UBP1: variants seen among roughly 807,000 people sequenced by gnomAD.
UBP1 encodes the protein upstream binding protein 1.
Under a neutral mutation model 76.1 loss-of-function variants are expected in UBP1, and 22 were observed. That is an observed-to-expected ratio of 0.29 (90% CI 0.21 to 0.41). The LOEUF is 0.41. Ranked by LOEUF, UBP1 falls within the 10% of genes least tolerant of loss-of-function variation. The pLI is 1.00. For missense variants in UBP1, 436 were observed against 668.1 expected, an observed-to-expected ratio of 0.65 and a Z score of 3.83; for synonymous variants, 224 against 237.1, an observed-to-expected ratio of 0.94 and a Z score of 0.51.
At chr3:33,408,900 C>T in intron 7 of UBP1, 103 bp from the exon 8 acceptor site, 2 of 1,077,632 alleles carry the variant, frequency 1.9e-6, no homozygotes, top group South Asian at 2.8e-5. Context: ...AAATGCATGA[C>T]TAACAGGATT....
chr3:33,436,599 C>A (rs577956940), intron 1 of UBP1, among the ~76,000 whole-genome samples: 13 of 152,276 alleles, frequency 8.5e-5, no homozygotes, highest in African/African-American at 3.1e-4. Flanking sequence ...CTATAACCTT[C>A]AAAAATATTT....
intron 2 of UBP1, among the ~76,000 whole-genome samples, chr3:33,418,769 G>A (rs1183235605): frequency 2.0e-5 from 3 of 147,174 alleles, no homozygotes; most frequent in African/African-American, 7.6e-5. Flanking sequence ...TGAGGCAGAA[G>A]AATCGCTTGA....
chr3:33,412,186 CAAA>C (rs1227146812), intron 4 of UBP1, among the ~76,000 whole-genome samples: 4 of 63,452 alleles, frequency 6.3e-5, no homozygotes, highest in African/African-American at 1.3e-4. Flanking sequence ...AACTCCGTCT[CAAA>C]AAAAAAAAAA....
chr3:33,409,434 G>A lies in UBP1; in HGVS notation c.708+15C>T, dbSNP rs778925461. On this transcript the variant is annotated intron_variant, in intron 6 of 15. Transcript: ENST00000283629. ...CTGAGCCTTAATTACAGAAAACCCG[G>A]GTTCTCTGTCTTACCTTAAAAACTT... is the stretch of plus-strand genomic sequence containing the variant. The A allele has an allele frequency of 6.2e-7, 1 of 1,613,982 alleles. No individual in the cohort carries two copies. The highest frequency in any genetic ancestry group is 1.6e-4 in the Middle Eastern group (1 of 6,062).
intron 1 of UBP1, 98 bp from the exon 2 acceptor site, chr3:33,425,839 T>A: frequency 9.0e-7 from 1 of 1,106,504 alleles, no homozygotes; most frequent in Non-Finnish European, 1.2e-6. Flanking sequence ...CTGAAATATT[T>A]AAAAGCATAT....
chr3:33,400,144 A>T (rs1390976325), intron 11 of UBP1, 45 bp downstream of exon 11: 1 of 1,286,776 alleles, frequency 7.8e-7, no homozygotes. Flanking sequence ...ACAGAAACAA[A>T]AACAAAACAT....
At chr3:33,437,028 C>T (rs1212377816) in intron 1 of UBP1, among the ~76,000 whole-genome samples, 2 of 152,252 alleles carry the variant, frequency 1.3e-5, no homozygotes, top group Admixed American at 6.5e-5. Flanking sequence ...ATAGAATCTG[C>T]TGCAGTTCAC....
chr3:33,413,024 T>G (rs1222355004), intron 3 of UBP1, among the ~76,000 whole-genome samples, 197 bp from the exon 4 acceptor site: 4 of 152,150 alleles, frequency 2.6e-5, no homozygotes, highest in African/African-American at 9.7e-5. Context: ...GAATTATAAC[T>G]CAAAAACTAA....
chr3:33,409,689 C>T, intron 5 of UBP1, 88 bp from the exon 6 acceptor site: 2 of 1,508,254 alleles, frequency 1.3e-6, no homozygotes, highest in Non-Finnish European at 1.8e-6. Flanking sequence ...CCTGACACCA[C>T]TATAAATTCA....
Position 33,393,361 on chromosome 3 carries a change from T to C in UBP1, c.1484A>G (p.Gln495Arg). 6.2e-7 allele frequency: 1 copy of C among 1,613,068 alleles called. No individual in the cohort carries two copies. The highest frequency in any genetic ancestry group is 8.5e-7 in the Non-Finnish European group (1 of 1,179,490). ...VFNIPLHQIN[Q>R]VYRQGPTGIH... ...ACCGGTGGGACCCTGTCTGTAAACCTGATTAATTTGGTGGAGAGGGATATT... is the reference window on the plus strand; with the variant it reads ...ACCGGTGGGACCCTGTCTGTAAACCCGATTAATTTGGTGGAGAGGGATATT... Residue 495 changes from glutamine (Q) to arginine (R), a missense_variant, in exon 14 of 16, where the codon CAG becomes CGG. Gln to Arg is a conservative substitution (Grantham distance 43). Around this residue, in one of 3 missense-constraint regions of UBP1, gnomAD observed 210 missense variants for 272.8 expected, o/e 0.77. Transcript: ENST00000283629.
chr3:33,419,420 G>C (rs531772298), intron 2 of UBP1, among the ~76,000 whole-genome samples: 3 of 152,172 alleles, frequency 2.0e-5, no homozygotes, highest in Non-Finnish European at 2.9e-5. Context: ...ACGAGGTCAG[G>C]AGTTTGAGAC....
rs936747669 is a variant in UBP1, at chr3:33,440,110, C to A, written c.-262G>T. 9.5e-6 allele frequency: 3 copies of A among 317,202 alleles called. No individual in the cohort carries two copies. Among genetic ancestry groups the A allele is most frequent in the African/African-American group, 6.6e-5 (3 of 45,468 alleles). 19.6% of individuals were successfully genotyped at this position (317,202 alleles called of 1,614,324 possible). ...ACACCGGCCCTGCGCCTCATGCCGGCGCCGCCGCCCAGCCCCCGCGCCGCT... is the reference window on the plus strand; with the variant it reads ...ACACCGGCCCTGCGCCTCATGCCGGAGCCGCCGCCCAGCCCCCGCGCCGCT... On this transcript the variant is annotated 5_prime_UTR_variant, in exon 1 of 16. Transcript: ENST00000283629.
intron 2 of UBP1, among the ~76,000 whole-genome samples, chr3:33,420,164 T>A (rs1039022953): frequency 5.0e-4 from 76 of 152,310 alleles, no homozygotes; most frequent in African/African-American, 1.8e-3. Context: ...TAAAGTCCTA[T>A]TCCTATCATG....
chr3:33,420,209 G>C (rs560932075), intron 2 of UBP1, among the ~76,000 whole-genome samples: 8 of 152,126 alleles, frequency 5.3e-5, no homozygotes, highest in Non-Finnish European at 1.0e-4. Flanking sequence ...CTAACCAGGA[G>C]GAAATCTACT....
At chr3:33,416,859 A>T (rs1368632416) in intron 2 of UBP1, 25 bp from the exon 3 acceptor site, 1 of 1,578,082 alleles carries the variant, frequency 6.3e-7, no homozygotes. Context: ...TGTGTATAAA[A>T]AACAATCCTT....
chr3:33,393,996 A>G (rs188181180), intron 13 of UBP1, among the ~76,000 whole-genome samples: 9 of 152,096 alleles, frequency 5.9e-5, no homozygotes, highest in Non-Finnish European at 8.8e-5. Flanking sequence ...ATACAAAAAG[A>G]ACCCTAAAAG....
intron 4 of UBP1, among the ~76,000 whole-genome samples, chr3:33,412,186 C>CA (rs1227146812): frequency 0.025 from 1,553 of 63,166 alleles, 21 homozygotes; most frequent in Middle Eastern, 0.043. Context: ...AACTCCGTCT[C>CA]AAAAAAAAAA....
At chr3:33,422,958 CAT>C (rs1197442521) in intron 2 of UBP1, among the ~76,000 whole-genome samples, 1 of 151,874 alleles carries the variant, frequency 6.6e-6, no homozygotes, top group African/African-American at 2.4e-5. Context: ...ATATGATACT[CAT>C]ATAGGTATTA....
chr3:33,397,384 G>C (rs750619763), intron 11 of UBP1: 35 of 324,640 alleles, frequency 1.1e-4, no homozygotes, highest in Middle Eastern at 8.1e-4. Context: ...AAATCAATGA[G>C]AGCAGGGCCT....
Sources: allele counts gnomAD v4.1 joint callset (sites outside exome capture counted in the v4.1 genomes callset), GRCh38; gene constraint gnomAD v4.1.1; regional missense constraint gnomAD v4.1.1; transcripts MANE v1.5; gene names NCBI Gene and HGNC (gene_info 2026-07-23, HGNC 2026-07-21).